The following CCDC38 variants were observed in gnomAD, a reference collection of about 807,000 sequenced individuals.
The protein encoded by CCDC38 is coiled-coil domain containing 38.
A neutral mutation model predicts 72.8 loss-of-function variants in CCDC38; 69 were observed. That is an observed-to-expected ratio of 0.95 (90% confidence interval 0.78 to 1.16). The LOEUF is 1.16. Ranked by LOEUF, CCDC38 falls within the 50% of genes most tolerant of loss-of-function variation. The pLI, the probability that CCDC38 is intolerant of heterozygous loss-of-function variation, is 0.00. For synonymous variants in CCDC38, 201 were observed against 213.2 expected, an observed-to-expected ratio of 0.94 and a Z score of 0.50; for missense variants, 626 against 638.9, an observed-to-expected ratio of 0.98 and a Z score of 0.22.
At chr12:95,929,554 T>G (rs1041204223) in intron 2 of CCDC38, among the ~76,000 whole-genome samples, 5 of 152,200 alleles carry the variant, frequency 3.3e-5, no homozygotes, top group Non-Finnish European at 7.3e-5. Context: ...TCGGCCATCT[T>G]GGCTCCTCCC....
intron 2 of CCDC38, among the ~76,000 whole-genome samples, chr12:95,931,228 T>G (rs1447917434): frequency 6.6e-6 from 1 of 152,176 alleles, no homozygotes; most frequent in Non-Finnish European, 1.5e-5. Flanking sequence ...CCTGCATTCT[T>G]TGGTTTGTGG....
rs188697544 is a variant in CCDC38 at position 95,933,563 on chromosome 12, C to T, written c.37+2910G>A. ...TGGAGAGGATATAATTCCACAGGATCTCTAATACATTTCTTGTAGAGTTAT... is the reference window on the plus strand; with the variant it reads ...TGGAGAGGATATAATTCCACAGGATTTCTAATACATTTCTTGTAGAGTTAT... On this transcript the variant is annotated intron_variant, in intron 2 of 15. Transcript: ENST00000344280. 5.3e-5 allele frequency: 8 copies of T among 152,306 alleles called. No individual in the cohort carries two copies. The East Asian group carries it at 1.5e-3, about 29-fold the overall frequency. The allele number at this position is 152,306 out of a possible 1,614,324, so 9.4% of individuals were successfully genotyped here.
chr12:95,919,595 T>A, intron 2 of CCDC38: 1 of 456,056 alleles, frequency 2.2e-6, no homozygotes, highest in Non-Finnish European at 4.4e-6. Context: ...CTCTGTCTGT[T>A]TCCCACAGCA....
At chr12:95,931,119 T>C (rs1452027247) in intron 2 of CCDC38, among the ~76,000 whole-genome samples, 1 of 152,060 alleles carries the variant, frequency 6.6e-6, no homozygotes, top group Admixed American at 6.5e-5. Context: ...CTGAAATGAG[T>C]CCTTTGAGCA....
intron 2 of CCDC38, among the ~76,000 whole-genome samples, chr12:95,922,547 A>T (rs1405474305): frequency 6.6e-6 from 1 of 152,194 alleles, no homozygotes; most frequent in Admixed American, 6.5e-5. Flanking sequence ...TAGGTTGAAG[A>T]CCAGGTGGAA....
chr12:95,899,295 T>C (rs187081315), intron 5 of CCDC38, among the ~76,000 whole-genome samples: 41 of 152,242 alleles, frequency 2.7e-4, no homozygotes, highest in Non-Finnish European at 8.8e-5. Flanking sequence ...CATGTGGTGA[T>C]TTTTGTTTTG....
intron 8 of CCDC38, among the ~76,000 whole-genome samples, chr12:95,893,941 A>G (rs2079858009): frequency 1.3e-5 from 2 of 152,174 alleles, no homozygotes; most frequent in Non-Finnish European, 2.9e-5. Context: ...GGTTAATAAA[A>G]CATAAAACTT....
intron 10 of CCDC38, among the ~76,000 whole-genome samples, chr12:95,883,642 A>T (rs2079725367): frequency 2.0e-5 from 3 of 152,092 alleles, no homozygotes; most frequent in Non-Finnish European, 4.4e-5. Flanking sequence ...TGCCTGTGGC[A>T]CTCTGGGCTT....
At chr12:95,911,592 G>A (rs2080094933) in intron 4 of CCDC38, among the ~76,000 whole-genome samples, 1 of 152,076 alleles carries the variant, frequency 6.6e-6, no homozygotes, top group African/African-American at 2.4e-5. Context: ...GCATACAAGT[G>A]ACATCCGATA....
intron 15 of CCDC38, among the ~76,000 whole-genome samples, chr12:95,868,526 A>T (rs911901692): frequency 9.2e-5 from 14 of 152,076 alleles, no homozygotes; most frequent in African/African-American, 2.9e-4. Flanking sequence ...TTTTTTTGTC[A>T]TGGCACATAT....
chr12:95,867,048 T>A lies in CCDC38; in HGVS notation c.*28A>T. 1 of 1,213,880 alleles carries A rather than the reference T, an allele frequency of 8.2e-7. No individual in the cohort carries two copies. 75.2% of individuals were successfully genotyped at this position (1,213,880 alleles called of 1,614,324 possible). A position where few individuals can be genotyped will look rare whatever the true frequency, so the allele number is the denominator to read the frequency against. ...TTTACAAAATACACCTAAGACATTCTGGTAATAAAATGTCTTACTGCTTTT... is the reference window on the plus strand; with the variant it reads ...TTTACAAAATACACCTAAGACATTCAGGTAATAAAATGTCTTACTGCTTTT... On this transcript the variant is annotated 3_prime_UTR_variant, in exon 16 of 16. Transcript: ENST00000344280.
chr12:95,930,022 C>T (rs1243283766), intron 2 of CCDC38, among the ~76,000 whole-genome samples: 1 of 152,126 alleles, frequency 6.6e-6, no homozygotes, highest in Non-Finnish European at 1.5e-5. Context: ...ACCCTAAATT[C>T]AGGGTGGTCT....
intron 9 of CCDC38, among the ~76,000 whole-genome samples, chr12:95,889,743 T>A (rs1437807170): frequency 6.6e-6 from 1 of 151,832 alleles, no homozygotes; most frequent in Non-Finnish European, 1.5e-5. Context: ...GAAGGGCAGG[T>A]AAAGGAGTGG....
At chr12:95,913,809 A>G (rs1187326442) in intron 4 of CCDC38, among the ~76,000 whole-genome samples, 2 of 152,098 alleles carry the variant, frequency 1.3e-5, no homozygotes, top group Non-Finnish European at 2.9e-5. Flanking sequence ...ATCATTAATA[A>G]ATGTTAATTG....
At chr12:95,897,341 A>C (rs2121474446) in intron 7 of CCDC38, among the ~76,000 whole-genome samples, 1 of 152,046 alleles carries the variant, frequency 6.6e-6, no homozygotes. Context: ...GGGCGCGGTG[A>C]CTCACGCCTG....
chr12:95,869,821 AT>A (rs56007426), intron 14 of CCDC38: 134,429 of 276,852 alleles, frequency 0.49, 22,518 homozygotes, highest in African/African-American at 0.54. Flanking sequence ...ATCTTGGTCT[AT>A]TTTTTTTTTT....
At chr12:95,927,318 T>C (rs1439799618) in intron 2 of CCDC38, among the ~76,000 whole-genome samples, 5 of 151,810 alleles carry the variant, frequency 3.3e-5, no homozygotes, top group African/African-American at 1.2e-4. Context: ...CTTTTGATCT[T>C]TGTTGGTTTA....
intron 8 of CCDC38, 144 bp from the exon 9 acceptor site, chr12:95,891,074 A>T: frequency 1.8e-6 from 1 of 564,460 alleles, no homozygotes; most frequent in South Asian, 2.2e-5. Context: ...AGACATTATC[A>T]ACCAGCAAAC....
chr12:95,897,849 G>C (rs2079907279), intron 7 of CCDC38, among the ~76,000 whole-genome samples: 1 of 152,100 alleles, frequency 6.6e-6, no homozygotes, highest in East Asian at 1.9e-4. Flanking sequence ...TCCCGCCTCA[G>C]CTTCCAAAGG....
Sources: allele counts gnomAD v4.1 joint callset (sites outside exome capture counted in the v4.1 genomes callset), GRCh38; gene constraint gnomAD v4.1.1; transcripts MANE v1.5; gene names NCBI Gene and HGNC (gene_info 2026-07-23, HGNC 2026-07-21).